CLIC5: variants seen among roughly 807,000 people sequenced by gnomAD.
CLIC5 encodes CLIC family member 5.
A neutral mutation model predicts 24.7 loss-of-function variants in CLIC5; 20 were observed. The observed-to-expected ratio is 0.81, with a 90% CI of 0.57 to 1.18. The LOEUF is 1.18. CLIC5 is among the 50% of genes most tolerant of loss of function. The pLI, the probability that CLIC5 is intolerant of heterozygous loss-of-function variation, is 0.00. For synonymous variants in CLIC5, 159 were observed against 135.6 expected (o/e 1.17, Z -1.20); for missense variants, 341 against 326.1 (o/e 1.05, Z -0.35).
intron 4 of CLIC5, among the ~76,000 whole-genome samples, chr6:45,939,261 G>A (rs1432161403): frequency 8.4e-6 from 1 of 118,594 alleles, no homozygotes; most frequent in Non-Finnish European, 1.6e-5. Context: ...TCGCTCTGTT[G>A]CCCAGGCAAC....
rs551938442 is a variant in CLIC5 at position 45,957,271 on chromosome 6, T to C, written c.64-2027A>G. On this transcript the variant is annotated intron_variant, in intron 1 of 5. Transcript: ENST00000339561. The stretch of plus-strand genomic sequence containing the variant: ...AATAATGTTAATAATAACATATCTA[T>C]ATTGTCAGGCATTGTTCTAAAGGAT... Among the ~76,000 whole-genome samples the C allele has an allele frequency of 9.6e-4, 146 of 152,326 alleles. 1 individual carries two copies. Among genetic ancestry groups the C allele is most frequent in the Middle Eastern group, 3.4e-3 (1 of 294 alleles).
At chr6:45,932,228 A>G (rs1561943338) in intron 4 of CLIC5, among the ~76,000 whole-genome samples, 1 of 151,968 alleles carries the variant, frequency 6.6e-6, no homozygotes, top group Admixed American at 6.6e-5. Context: ...TCCTGCCTCA[A>G]CCTCTCAAGT....
In CLIC5 at chr6:45,956,293, G is replaced by C. The variant is rs968971146; in HGVS notation, c.64-1049C>G. 2.0e-5 allele frequency among the ~76,000 whole-genome samples: 3 copies of C among 152,150 alleles called. No homozygotes were observed. In the East Asian group the frequency reaches 5.8e-4, roughly 29 times the overall value. ...TTGGCCCCCAACATAATACTTAGAG[G>C]AAGAAATAACCCATTTGCTCCAGAC... On this transcript the variant is annotated intron_variant, in intron 1 of 5. Coordinates refer to ENST00000339561, the MANE Select transcript of CLIC5 (RefSeq NM_016929.5).
At chr6:46,118,649 G>GATTTTAACCAA in the CLIC5 span, among the ~76,000 whole-genome samples, 1 of 152,160 alleles carries the variant, frequency 6.6e-6, no homozygotes, top group Non-Finnish European at 1.5e-5. Flanking sequence ...AAGATAATAT[G>GATTTTAACCAA]ATTTTAACCA....
At position 45,919,512 on chromosome 6, in the gene CLIC5, C is replaced by G. The variant is rs534846856; in HGVS notation, c.407-5103G>C. ...TCCCCCCCACCACCTCTCCTTTCTT[C>G]TTCATCCCCAACTCCCCTGTGCTAG... On this transcript the variant is annotated intron_variant, in intron 4 of 5. Transcript: ENST00000339561. Among the ~76,000 whole-genome samples, 6 of 151,650 alleles carry G rather than the reference C, an allele frequency of 4.0e-5. No individual in the cohort carries two copies. The East Asian group carries it at 1.2e-3, about 30-fold the overall frequency.
upstream of CLIC5, among the ~76,000 whole-genome samples, chr6:46,080,747 T>C (rs149192579): frequency 1.3e-5 from 2 of 152,302 alleles, no homozygotes; most frequent in African/African-American, 4.8e-5. Flanking sequence ...AGAACAATTA[T>C]TTGCCTATTG....
At chr6:46,122,914 G>A in the CLIC5 span, 1 of 152,242 alleles carries the variant, frequency 6.6e-6, no homozygotes, top group South Asian at 2.1e-4. Context: ...ACCAATAACA[G>A]GCTCTGAAAT....
intron 1 of CLIC5, among the ~76,000 whole-genome samples, chr6:46,049,423 TC>T (rs1768043309): frequency 6.6e-6 from 1 of 152,200 alleles, no homozygotes; most frequent in Non-Finnish European, 1.5e-5. Context: ...CTTCTCCCCT[TC>T]CTCTCTTTTC....
chr6:46,029,638 GC>G (rs1237279102), intron 1 of CLIC5, among the ~76,000 whole-genome samples: 1 of 152,066 alleles, frequency 6.6e-6, no homozygotes, highest in Non-Finnish European at 1.5e-5. Flanking sequence ...ACTGAAAGAG[GC>G]CCTCTTCCCA....
At chr6:45,946,675 G>A (rs941577509) in intron 3 of CLIC5, among the ~76,000 whole-genome samples, 2 of 152,206 alleles carry the variant, frequency 1.3e-5, no homozygotes, top group African/African-American at 4.8e-5. Context: ...AAGCTGGTGA[G>A]GCTGGTGGTT....
intron 1 of CLIC5, among the ~76,000 whole-genome samples, chr6:45,980,988 T>G (rs1389304940): frequency 6.6e-6 from 1 of 152,216 alleles, no homozygotes; most frequent in Non-Finnish European, 1.5e-5. Flanking sequence ...TGTTTTGTTT[T>G]GAGACAAGAT....
intron 1 of CLIC5, among the ~76,000 whole-genome samples, chr6:46,001,805 CG>C (rs1266482443): frequency 2.0e-5 from 3 of 152,174 alleles, no homozygotes; most frequent in Non-Finnish European, 4.4e-5. Context: ...AGCCAGATTT[CG>C]CATGTAAAAC....
chr6:45,996,875 GA>G (rs1436812175), intron 1 of CLIC5, among the ~76,000 whole-genome samples: 1 of 151,832 alleles, frequency 6.6e-6, no homozygotes, highest in Admixed American at 6.6e-5. Context: ...AGAGGATGTG[GA>G]GAAATAGGAA....
intron 1 of CLIC5, among the ~76,000 whole-genome samples, chr6:46,047,924 G>GTATATAATATATATACCACACTA (rs1414074643): frequency 6.6e-6 from 1 of 151,652 alleles, no homozygotes; most frequent in Admixed American, 6.6e-5. Flanking sequence ...GATATCTGTG[G>GTATATAATATATATACCACACTA]TATATAATAG....
At chr6:46,100,845 C>T in the CLIC5 span, among the ~76,000 whole-genome samples, 1 of 152,140 alleles carries the variant, frequency 6.6e-6, no homozygotes, top group Admixed American at 6.5e-5. Flanking sequence ...GAGGGAACCA[C>T]AGAGCGATTA....
chr6:46,030,293 T>A (rs1248405792), intron 1 of CLIC5, among the ~76,000 whole-genome samples: 1 of 152,166 alleles, frequency 6.6e-6, no homozygotes, highest in Non-Finnish European at 1.5e-5. Context: ...ATATTTTTGT[T>A]TAATCCTTCC....
intron 1 of CLIC5, among the ~76,000 whole-genome samples, chr6:45,962,063 TACACACAC>T (rs74732121): frequency 0.025 from 3,567 of 145,500 alleles, 141 homozygotes; most frequent in African/African-American, 0.079. Context: ...TATATGTACA[TACACACAC>T]ACACACACAC....
chr6:46,013,555 T>C (rs1009590453), intron 1 of CLIC5, among the ~76,000 whole-genome samples: 2 of 152,210 alleles, frequency 1.3e-5, no homozygotes, highest in Non-Finnish European at 2.9e-5. Context: ...AAGGCCTGCC[T>C]GGCTCTCATT....
intron 1 of CLIC5, among the ~76,000 whole-genome samples, chr6:46,057,913 T>C (rs72858617): frequency 0.011 from 1,659 of 152,340 alleles, 16 homozygotes; most frequent in Middle Eastern, 0.024. Flanking sequence ...TTACTGCTAC[T>C]GCCTGGTCAG....
Sources: allele counts gnomAD v4.1 joint callset (sites outside exome capture counted in the v4.1 genomes callset), GRCh38; gene constraint gnomAD v4.1.1; transcripts MANE v1.5; gene names NCBI Gene and HGNC (gene_info 2026-07-23, HGNC 2026-07-21).